Variants in ZPBP observed in about 807,000 individuals in gnomAD.
The protein encoded by ZPBP is zona pellucida-binding protein 1.
In ZPBP, 26 loss-of-function variants were observed where a neutral mutation model predicts 44.8. The observed-to-expected ratio is 0.58, with a 90% confidence interval of 0.43 to 0.81. The LOEUF (loss-of-function observed/expected upper bound fraction) is 0.81. Among genes scored for constraint, ZPBP ranks in the 30% least tolerant of loss-of-function variants. The pLI is 0.00. For synonymous variants in ZPBP, 174 were observed against 153.2 expected, an observed-to-expected ratio of 1.14 and a Z score of -1.00; for missense variants, 409 against 434.0, an observed-to-expected ratio of 0.94 and a Z score of 0.51.
intron 2 of ZPBP, among the ~76,000 whole-genome samples, chr7:49,863,699 G>A (rs1280315404): frequency 6.6e-6 from 1 of 152,234 alleles, no homozygotes; most frequent in African/African-American, 2.4e-5. Context: ...CGAAAGTGCT[G>A]GGATTAGAGA....
intron 6 of ZPBP, among the ~76,000 whole-genome samples, chr7:50,002,811 C>T (rs1255988803): frequency 1.3e-5 from 2 of 152,278 alleles, no homozygotes; most frequent in Non-Finnish European, 2.9e-5. Context: ...TTCCAGATAA[C>T]TTGTATTCCA....
intron 2 of ZPBP, among the ~76,000 whole-genome samples, chr7:49,862,653 GT>G (rs200190931): frequency 4.8e-4 from 68 of 141,260 alleles, no homozygotes; most frequent in East Asian, 1.9e-3. Context: ...ACTTTGATGT[GT>G]TTTTTTTTTC....
chr7:50,093,227 G>C lies in ZPBP; in HGVS notation c.-33C>G. On this transcript the variant is annotated 5_prime_UTR_variant, in exon 1 of 8. Coordinates refer to ENST00000046087, the MANE Select transcript of ZPBP (RefSeq NM_007009.3). ...CCGCCGTCGCCTGCCCACCGTCCGC[G>C]CGGAAGGTCGTTAGGCAACGCGCGC... The C allele has an allele frequency of 1.3e-6, 2 of 1,498,488 alleles. No homozygotes were observed. The highest frequency in any genetic ancestry group is 1.8e-6 in the Non-Finnish European group (2 of 1,128,092). The allele number at this position is 1,498,488 out of a possible 1,614,324, so 92.8% of individuals were successfully genotyped here. A position where few individuals can be genotyped will look rare whatever the true frequency, so the allele number is the denominator to read the frequency against.
intron 2 of ZPBP, among the ~76,000 whole-genome samples, chr7:49,900,394 AT>A (rs1232866408): frequency 6.6e-6 from 1 of 151,794 alleles, no homozygotes; most frequent in Non-Finnish European, 1.5e-5. Context: ...TATTGAAAAG[AT>A]TAATAAAAGT....
intron 2 of ZPBP, among the ~76,000 whole-genome samples, chr7:49,866,557 C>G (rs554920506): frequency 2.6e-5 from 4 of 152,058 alleles, no homozygotes; most frequent in African/African-American, 4.8e-5. Flanking sequence ...CTTTCGAGTT[C>G]GGGCTTGCCC....
chr7:50,043,127 C>A (rs570345377), intron 4 of ZPBP, among the ~76,000 whole-genome samples: 1 of 152,342 alleles, frequency 6.6e-6, no homozygotes, highest in African/African-American at 2.4e-5. Context: ...TAAGGACTTG[C>A]TCCTTCTTCA....
downstream of ZPBP, among the ~76,000 whole-genome samples, chr7:49,848,482 G>T (rs899713928): frequency 3.9e-5 from 6 of 152,264 alleles, no homozygotes; most frequent in Non-Finnish European, 8.8e-5. Context: ...AGGGTCGGCT[G>T]TGGGCCATAG....
rs1249386558 is a variant in ZPBP at position 49,898,279 on chromosome 7, G to A, written n.509+2839C>T. Among the ~76,000 whole-genome samples the A allele has an allele frequency of 2.6e-5, 4 of 151,220 alleles. No homozygotes were observed. The East Asian group carries it at 7.8e-4, about 29-fold the overall frequency. On this transcript the variant is annotated intron_variant and non_coding_transcript_variant, in intron 2 of 2. Coordinates refer to the ZPBP transcript ENST00000465922. ...TACATTGTTGCTGTTATTATGAACT[G>A]TTATCTTTTAAATCAAGGTAAGAAA...
intron 5 of ZPBP, among the ~76,000 whole-genome samples, chr7:50,022,947 G>A (rs1038074449): frequency 2.0e-5 from 3 of 152,030 alleles, no homozygotes; most frequent in African/African-American, 7.2e-5. Context: ...AAACTTCCCT[G>A]AGCTTTATGT....
chr7:49,874,551 TG>T (rs1170943785), intron 2 of ZPBP, among the ~76,000 whole-genome samples: 1 of 14,576 alleles, frequency 6.9e-5, no homozygotes, highest in Admixed American at 4.7e-4. Flanking sequence ...ACTATATATG[TG>T]TGTGTGTGTG....
chr7:49,877,481 AATATAT>A (rs1220691094), intron 2 of ZPBP, among the ~76,000 whole-genome samples: 221 of 12,706 alleles, frequency 0.017, 19 homozygotes, highest in African/African-American at 0.03. Flanking sequence ...AAAAAAAAAA[AATATAT>A]ATATATATAT....
At chr7:50,062,754 A>G (rs950438503) in intron 3 of ZPBP, among the ~76,000 whole-genome samples, 14 of 152,188 alleles carry the variant, frequency 9.2e-5, no homozygotes, top group African/African-American at 3.4e-4. Flanking sequence ...TTCTTCCTGC[A>G]AGGACACCAA....
intron 7 of ZPBP, among the ~76,000 whole-genome samples, chr7:49,947,234 T>G (rs1159269609): frequency 6.6e-6 from 1 of 152,178 alleles, no homozygotes; most frequent in Non-Finnish European, 1.5e-5. Flanking sequence ...CATGTTTTCC[T>G]GGATGATCTT....
intron 1 of ZPBP, among the ~76,000 whole-genome samples, chr7:49,911,110 GAATT>G (rs1562769943): frequency 2.6e-5 from 4 of 152,144 alleles, no homozygotes; most frequent in African/African-American, 7.2e-5. Flanking sequence ...TGAGTATTTA[GAATT>G]AATTAAACGA....
At chr7:50,067,401 G>A (rs1801568577) in intron 3 of ZPBP, among the ~76,000 whole-genome samples, 1 of 152,010 alleles carries the variant, frequency 6.6e-6, no homozygotes, top group South Asian at 2.1e-4. Context: ...AGCATATTTG[G>A]AATCTGTGTA....
chr7:49,979,864 ATATAATATAT>A (rs1308936452), intron 7 of ZPBP, among the ~76,000 whole-genome samples: 8 of 126,526 alleles, frequency 6.3e-5, no homozygotes, highest in African/African-American at 2.4e-4. Flanking sequence ...ATATAATATA[ATATAATATAT>A]TATATATTAC....
chr7:49,845,303 A>AT, the ZPBP span, among the ~76,000 whole-genome samples: 2 of 152,114 alleles, frequency 1.3e-5, no homozygotes, highest in Non-Finnish European at 2.9e-5. Context: ...GAAAAAAAAA[A>AT]GGTGATAGAT....
chr7:49,884,685 A>C (rs577138732), intron 2 of ZPBP, among the ~76,000 whole-genome samples: 1 of 152,300 alleles, frequency 6.6e-6, no homozygotes, highest in Admixed American at 6.5e-5. Context: ...CTGCTGCCTG[A>C]CTGTGTCAAC....
At chr7:49,897,535 G>A (rs1477434540) in intron 2 of ZPBP, among the ~76,000 whole-genome samples, 1 of 152,156 alleles carries the variant, frequency 6.6e-6, no homozygotes, top group Non-Finnish European at 1.5e-5. Flanking sequence ...TAGAAGCTTG[G>A]AAGTTGCAAC....
Sources: allele counts gnomAD v4.1 joint callset (sites outside exome capture counted in the v4.1 genomes callset), GRCh38; gene constraint gnomAD v4.1.1; transcripts MANE v1.5; gene names NCBI Gene and HGNC (gene_info 2026-07-23, HGNC 2026-07-21).